Variants in BET1 observed in about 807,000 individuals in gnomAD.
The protein encoded by BET1 is Bet1 golgi vesicular membrane trafficking protein.
BET1 carries 9 observed loss-of-function variants against 13.9 expected under a neutral mutation model. The observed-to-expected ratio is 0.65, with a 90% CI of 0.39 to 1.13. BET1 has a LOEUF of 1.13. BET1 is among the 50% of genes most tolerant of loss of function. The pLI is 0.01. For missense variants in BET1, 127 were observed against 133.6 expected, an observed-to-expected ratio of 0.95 and a Z score of 0.24; for synonymous variants, 39 against 47.3, an observed-to-expected ratio of 0.82 and a Z score of 0.72.
chr7:93,977,974 C>T (rs559148251), intron 4 of BET1, among the ~76,000 whole-genome samples: 5 of 152,244 alleles, frequency 3.3e-5, no homozygotes, highest in Admixed American at 3.3e-4. Context: ...ATTCAAGCTC[C>T]TTACTAGCAT....
At chr7:93,968,882 G>A (rs1173629908) in intron 6 of BET1, among the ~76,000 whole-genome samples, 1 of 151,734 alleles carries the variant, frequency 6.6e-6, no homozygotes, top group Non-Finnish European at 1.5e-5. Context: ...AGAAGTTTTT[G>A]ATTCTTATGA....
intron 1 of BET1, among the ~76,000 whole-genome samples, chr7:94,001,282 G>T (rs2116146713): frequency 6.6e-6 from 1 of 152,264 alleles, no homozygotes; most frequent in South Asian, 2.1e-4. Flanking sequence ...CACACTCAAT[G>T]AATACATGAT....
intron 4 of BET1, among the ~76,000 whole-genome samples, chr7:93,986,551 G>A (rs538370482): frequency 2.0e-5 from 3 of 152,160 alleles, no homozygotes; most frequent in South Asian, 2.1e-4. Flanking sequence ...GATATGCCCC[G>A]CCTGTCACTT....
chr7:94,002,450 C>A (rs1270588603), intron 1 of BET1, among the ~76,000 whole-genome samples: 16 of 97,268 alleles, frequency 1.6e-4, no homozygotes, highest in African/African-American at 7.8e-4. Flanking sequence ...CACAGAAGAG[C>A]TTTTTTTTAA....
downstream of BET1, among the ~76,000 whole-genome samples, chr7:93,989,142 T>A (rs1197183702): frequency 6.6e-6 from 1 of 151,530 alleles, no homozygotes; most frequent in Non-Finnish European, 1.5e-5. Flanking sequence ...GCCTCCCGAG[T>A]AGCTGGGATT....
chr7:93,966,611 T>G (rs1795177573), intron 6 of BET1, among the ~76,000 whole-genome samples: 1 of 151,838 alleles, frequency 6.6e-6, no homozygotes, highest in South Asian at 2.1e-4. Context: ...CCTCTTTTTT[T>G]TTTTTTGGTG....
intron 3 of BET1, 55 bp downstream of exon 3, chr7:93,996,210 T>C (rs780199236): frequency 1.5e-6 from 2 of 1,290,616 alleles, no homozygotes; most frequent in Admixed American, 1.9e-5. Context: ...GTTGAAATTC[T>C]ATTATTTGCG....
At chr7:93,972,808 A>G (rs1293124874) in intron 5 of BET1, 1 of 151,188 alleles carries the variant, frequency 6.6e-6, no homozygotes, top group Non-Finnish European at 1.5e-5. Flanking sequence ...CACTTTCCTT[A>G]GGGAAAAAAA....
chr7:93,995,469 A>C (rs1433127874), intron 3 of BET1, among the ~76,000 whole-genome samples: 1 of 152,172 alleles, frequency 6.6e-6, no homozygotes, highest in Non-Finnish European at 1.5e-5. Context: ...CACCATGGTT[A>C]TGCATCAGAA....
chr7:93,980,935 CAA>C (rs1795417589), intron 4 of BET1, among the ~76,000 whole-genome samples: 2 of 152,174 alleles, frequency 1.3e-5, no homozygotes, highest in Admixed American at 1.3e-4. Context: ...CGAAAGTACA[CAA>C]GAGTTCAAGT....
At chr7:93,979,703 G>C (rs552111137) in intron 4 of BET1, among the ~76,000 whole-genome samples, 2 of 152,232 alleles carry the variant, frequency 1.3e-5, no homozygotes, top group East Asian at 3.9e-4. Context: ...ATGATTGGGA[G>C]GAAGTTTCCA....
At chr7:93,978,265 TG>T (rs1389241209) in intron 4 of BET1, among the ~76,000 whole-genome samples, 1 of 152,132 alleles carries the variant, frequency 6.6e-6, no homozygotes, top group African/African-American at 2.4e-5. Flanking sequence ...AGAGGGGTTT[TG>T]CTATGTGGCC....
At chr7:93,979,545 C>T (rs972603392) in intron 4 of BET1, among the ~76,000 whole-genome samples, 17 of 151,974 alleles carry the variant, frequency 1.1e-4, no homozygotes, top group African/African-American at 3.9e-4. Context: ...CATCAGCAAC[C>T]ACATATGAAC....
chr7:93,992,785 A>C, downstream of BET1: 1 of 908,058 alleles, frequency 1.1e-6, no homozygotes, highest in Non-Finnish European at 1.3e-6. Context: ...TATCCTATGA[A>C]ATAGATGGTG....
At chr7:93,977,194 C>T (rs61046708) in intron 4 of BET1, among the ~76,000 whole-genome samples, 9,943 of 152,166 alleles carry the variant, frequency 0.065, 577 homozygotes, top group East Asian at 0.29. Context: ...GGTACGGTGG[C>T]TCATGCTTGT....
In BET1 at chr7:93,977,950, G is replaced by A. The variant is rs567161203; in HGVS notation, c.236-1850C>T. Among the ~76,000 whole-genome samples the A allele has an allele frequency of 3.3e-5, 5 of 152,114 alleles. No individual in the cohort carries two copies. In the South Asian group the frequency reaches 6.2e-4, roughly 19 times the overall value. On this transcript the variant is annotated intron_variant and NMD_transcript_variant, in intron 4 of 6. Coordinates refer to the BET1 transcript ENST00000357520. ...ACTTAGGAACCTTCAATTCCCCTAC[G>A]TGTACAGGCTCAAATTCAAGCTCCT... is the stretch of plus-strand genomic sequence containing the variant.
chr7:93,999,858 T>C, intron 1 of BET1: 1 of 357,392 alleles, frequency 2.8e-6, no homozygotes, highest in Middle Eastern at 3.8e-4. Context: ...TAGCTGAGAG[T>C]CAAGAGGGAG....
intron 4 of BET1, among the ~76,000 whole-genome samples, chr7:93,984,963 G>A (rs1283129944): frequency 6.6e-6 from 1 of 152,128 alleles, no homozygotes; most frequent in Non-Finnish European, 1.5e-5. Context: ...GAAGCTAGGA[G>A]ATTAAAATAG....
chr7:93,976,119 A>C, intron 4 of BET1: 10 of 1,167,528 alleles, frequency 8.6e-6, no homozygotes, highest in Non-Finnish European at 1.1e-5. Context: ...ACAGATGGAG[A>C]TCTTAGTTTC....
Sources: gnomAD v4.1 joint callset for allele counts (sites outside exome capture counted in the v4.1 genomes callset) on GRCh38, gnomAD v4.1.1 for gene constraint, MANE v1.5 for transcripts, NCBI Gene and HGNC (gene_info 2026-07-23, HGNC 2026-07-21) for gene names.